Variants in PHF21A observed in about 807,000 individuals in gnomAD.
PHF21A encodes the protein PHD finger protein 21A, also known as BHC80a.
PHF21A carries 11 observed loss-of-function variants against 82.5 expected under a neutral mutation model. That is an observed-to-expected ratio of 0.13 (90% CI 0.08 to 0.22). PHF21A has a LOEUF of 0.22. PHF21A is among the 10% of genes least tolerant of loss of function. PHF21A has a pLI of 1.00. For synonymous variants in PHF21A, 297 were observed against 302.8 expected, an observed-to-expected ratio of 0.98 and a Z score of 0.20; for missense variants, 579 against 837.8, an observed-to-expected ratio of 0.69 and a Z score of 3.81.
chr11:45,974,554 A>G (rs934869443), intron 7 of PHF21A, among the ~76,000 whole-genome samples: 1 of 151,978 alleles, frequency 6.6e-6, no homozygotes, highest in Non-Finnish European at 1.5e-5. Context: ...CCTGGGCTCA[A>G]GTAATCCTCC....
chr11:46,089,355 AAAT>A (rs1021583861), intron 3 of PHF21A, among the ~76,000 whole-genome samples: 4 of 152,196 alleles, frequency 2.6e-5, no homozygotes, highest in African/African-American at 7.2e-5. Context: ...TGAATGCAAA[AAAT>A]AATAAAATTC....
intron 6 of PHF21A, among the ~76,000 whole-genome samples, chr11:45,980,279 T>G (rs1026576381): frequency 1.3e-5 from 2 of 152,202 alleles, no homozygotes; most frequent in African/African-American, 4.8e-5. Context: ...GTATACAACG[T>G]AGCAGTAAAA....
At chr11:46,055,647 C>T (rs896657516) in intron 6 of PHF21A, among the ~76,000 whole-genome samples, 4 of 152,130 alleles carry the variant, frequency 2.6e-5, no homozygotes, top group African/African-American at 4.8e-5. Flanking sequence ...CAAGTCTATA[C>T]ATTACATCAT....
intron 12 of PHF21A, among the ~76,000 whole-genome samples, chr11:45,950,002 TC>T (rs2091889110): frequency 1.3e-5 from 2 of 152,298 alleles, no homozygotes; most frequent in South Asian, 4.1e-4. Flanking sequence ...GGGGAGGTTT[TC>T]CCAGGACAGT....
chr11:46,050,426 C>G (rs1464242156), intron 6 of PHF21A, among the ~76,000 whole-genome samples: 1 of 152,208 alleles, frequency 6.6e-6, no homozygotes, highest in Non-Finnish European at 1.5e-5. Flanking sequence ...AGCAGGAGAG[C>G]TGGCTTTTGA....
intron 3 of PHF21A, among the ~76,000 whole-genome samples, chr11:46,084,566 A>C (rs541834919): frequency 6.6e-6 from 1 of 152,300 alleles, no homozygotes; most frequent in East Asian, 1.9e-4. Flanking sequence ...GCACTGTGTT[A>C]ATCACTACAT....
intron 1 of PHF21A, among the ~76,000 whole-genome samples, chr11:46,099,263 C>T (rs1415663745): frequency 1.3e-5 from 2 of 152,112 alleles, no homozygotes; most frequent in African/African-American, 4.8e-5. Flanking sequence ...AACTCAACTC[C>T]TCCCTGATGG....
intron 6 of PHF21A, among the ~76,000 whole-genome samples, chr11:46,026,120 C>T (rs2095740492): frequency 1.3e-5 from 2 of 152,148 alleles, no homozygotes; most frequent in South Asian, 4.1e-4. Context: ...AGGCGAGAGA[C>T]CTGGGCTAAG....
chr11:46,074,076 T>C (rs1384062596), intron 6 of PHF21A, among the ~76,000 whole-genome samples: 1 of 151,678 alleles, frequency 6.6e-6, no homozygotes, highest in African/African-American at 2.4e-5. Context: ...AGAACTAGTG[T>C]CTACCGCAAG....
At chr11:45,967,777 C>T (rs578251496) in intron 9 of PHF21A, among the ~76,000 whole-genome samples, 34 of 152,256 alleles carry the variant, frequency 2.2e-4, no homozygotes, top group African/African-American at 7.2e-4. Flanking sequence ...GAACTTAAAA[C>T]GACCCTGTGG....
At chr11:46,015,569 T>C (rs866213955) in intron 6 of PHF21A, among the ~76,000 whole-genome samples, 1 of 152,174 alleles carries the variant, frequency 6.6e-6, no homozygotes, top group African/African-American at 2.4e-5. Context: ...TTTGACTCTT[T>C]GTAATAACAG....
chr11:45,977,466 C>T (rs968447900), intron 7 of PHF21A, among the ~76,000 whole-genome samples: 1 of 152,088 alleles, frequency 6.6e-6, no homozygotes, highest in African/African-American at 2.4e-5. Context: ...TAAAATGTTA[C>T]TTGAACAGGA....
chr11:46,069,209 A>C (rs1049857541), intron 6 of PHF21A, among the ~76,000 whole-genome samples: 1 of 152,210 alleles, frequency 6.6e-6, no homozygotes, highest in Non-Finnish European at 1.5e-5. Context: ...CACCAGGAGA[A>C]ATTTGAAATA....
intron 6 of PHF21A, among the ~76,000 whole-genome samples, chr11:46,058,885 C>CAAAA (rs2139414785): frequency 6.6e-6 from 1 of 152,196 alleles, no homozygotes; most frequent in East Asian, 1.9e-4. Context: ...TTGCCTGCTA[C>CAAAA]GAGTACAGAA....
intron 6 of PHF21A, among the ~76,000 whole-genome samples, chr11:46,031,316 C>G (rs1369591891): frequency 6.6e-6 from 1 of 152,174 alleles, no homozygotes; most frequent in African/African-American, 2.4e-5. Context: ...ACTCCCACAC[C>G]CCATTTCTTC....
intron 4 of PHF21A, among the ~76,000 whole-genome samples, chr11:46,083,239 C>T (rs1375804895): frequency 6.6e-6 from 1 of 151,840 alleles, no homozygotes; most frequent in African/African-American, 2.4e-5. Context: ...AACTCTGCAG[C>T]GGAACAAGAG....
intron 6 of PHF21A, among the ~76,000 whole-genome samples, chr11:46,006,803 C>G (rs542718745): frequency 2.0e-5 from 3 of 152,222 alleles, no homozygotes; most frequent in South Asian, 4.1e-4. Context: ...ATTTTAAGAC[C>G]AACAACCCTC....
chr11:46,103,444 T>A (rs1433612890), intron 1 of PHF21A, among the ~76,000 whole-genome samples: 3 of 152,234 alleles, frequency 2.0e-5, no homozygotes, highest in Non-Finnish European at 4.4e-5. Context: ...AATTGCTTAG[T>A]TTTAAAAATA....
chr11:46,014,253 G>A (rs192371857), intron 6 of PHF21A, among the ~76,000 whole-genome samples: 1 of 152,158 alleles, frequency 6.6e-6, no homozygotes, highest in African/African-American at 2.4e-5. Flanking sequence ...TTATAAATGA[G>A]AACATATAAT....
Sources: allele counts gnomAD v4.1 joint callset (sites outside exome capture counted in the v4.1 genomes callset), GRCh38; gene constraint gnomAD v4.1.1; transcripts MANE v1.5; gene names NCBI Gene and HGNC (gene_info 2026-07-23, HGNC 2026-07-21).